Variants in PTPRD observed in about 807,000 individuals in gnomAD.
PTPRD encodes protein tyrosine phosphatase receptor type D, also known as receptor-type tyrosine-protein phosphatase delta.
PTPRD carries 34 observed loss-of-function variants against 214.5 expected under a neutral mutation model. That is an observed-to-expected ratio of 0.16 (90% CI 0.12 to 0.21). The LOEUF is 0.21. Ranked by LOEUF, PTPRD falls within the 10% of genes least tolerant of loss-of-function variation. The pLI, the probability that PTPRD is intolerant of heterozygous loss-of-function variation, is 1.00. For missense variants in PTPRD, 2,545 were observed against 2,398.7 expected, an observed-to-expected ratio of 1.06 and a Z score of -1.27; for synonymous variants, 1,128 against 845.7, an observed-to-expected ratio of 1.33 and a Z score of -5.79.
At chr9:10,343,436 A>T (rs1195596138) in intron 2 of PTPRD, among the ~76,000 whole-genome samples, 1 of 152,130 alleles carries the variant, frequency 6.6e-6, no homozygotes, top group African/African-American at 2.4e-5. Context: ...TGCAATATAC[A>T]TATATGTGCA....
chr9:10,191,605 C>A (rs2099363826), intron 3 of PTPRD, among the ~76,000 whole-genome samples: 1 of 152,074 alleles, frequency 6.6e-6, no homozygotes, highest in South Asian at 2.1e-4. Context: ...TTTTAGATAT[C>A]CCTATACTTT....
intron 10 of PTPRD, among the ~76,000 whole-genome samples, chr9:9,156,222 A>G (rs1363056806): frequency 6.6e-6 from 1 of 152,176 alleles, no homozygotes; most frequent in Non-Finnish European, 1.5e-5. Flanking sequence ...GTAAACTACC[A>G]TGAATATATT....
At chr9:9,507,212 A>G (rs2096590151) in intron 8 of PTPRD, among the ~76,000 whole-genome samples, 1 of 151,174 alleles carries the variant, frequency 6.6e-6, no homozygotes, top group South Asian at 2.1e-4. Context: ...TATAATGTCA[A>G]TTTTGTCTGA....
intron 3 of PTPRD, among the ~76,000 whole-genome samples, chr9:10,220,527 A>G (rs1481758165): frequency 6.6e-6 from 1 of 151,980 alleles, no homozygotes; most frequent in Non-Finnish European, 1.5e-5. Flanking sequence ...TTTGCATCAA[A>G]TGATTAATAA....
chr9:8,996,446 A>C (rs985773573), intron 11 of PTPRD, among the ~76,000 whole-genome samples: 1 of 152,098 alleles, frequency 6.6e-6, no homozygotes, highest in African/African-American at 2.4e-5. Context: ...CAAACAGAGC[A>C]GTTGTTGCCT....
At chr9:9,235,106 A>G (rs1053426132) in intron 9 of PTPRD, among the ~76,000 whole-genome samples, 12 of 152,278 alleles carry the variant, frequency 7.9e-5, no homozygotes, top group South Asian at 2.1e-4. Context: ...GAAACTTATA[A>G]TCATGGCAGA....
intron 37 of PTPRD, among the ~76,000 whole-genome samples, chr9:8,387,402 G>A (rs999782059): frequency 6.6e-6 from 1 of 152,170 alleles, no homozygotes; most frequent in African/African-American, 2.4e-5. Context: ...AAAAGGGGCA[G>A]AATTTCATTT....
At chr9:9,275,081 TAA>T (rs1491359322) in intron 9 of PTPRD, among the ~76,000 whole-genome samples, 1 of 69,956 alleles carries the variant, frequency 1.4e-5, no homozygotes, top group African/African-American at 5.3e-5. Context: ...TATATATATA[TAA>T]TATATATGTT....
Position 9,427,574 on chromosome 9 carries a change from A to C in PTPRD, c.-236-30092T>G, listed in dbSNP as rs542061184. On this transcript the variant is annotated intron_variant, in intron 8 of 45. Transcript: ENST00000381196. ...GAAACACAGAAAATGCCACAAAGATACTCTTCAAGAAGAGCAACTCCAAGA... is the reference window on the plus strand; with the variant it reads ...GAAACACAGAAAATGCCACAAAGATCCTCTTCAAGAAGAGCAACTCCAAGA... 3.9e-5 allele frequency among the ~76,000 whole-genome samples: 6 copies of C among 152,192 alleles called. No homozygotes were observed. In the South Asian group the frequency reaches 1.2e-3, roughly 32 times the overall value.
intron 2 of PTPRD, among the ~76,000 whole-genome samples, chr9:10,486,516 C>G (rs1299430606): frequency 2.6e-5 from 4 of 152,056 alleles, no homozygotes; most frequent in African/African-American, 7.2e-5. Context: ...TTTCTGAGGT[C>G]TCTGTTCTGC....
At chr9:8,916,605 C>G (rs953886208) in intron 11 of PTPRD, among the ~76,000 whole-genome samples, 1 of 152,092 alleles carries the variant, frequency 6.6e-6, no homozygotes, top group African/African-American at 2.4e-5. Context: ...ATAAAATTCT[C>G]AGTGATATAG....
intron 35 of PTPRD, among the ~76,000 whole-genome samples, chr9:8,423,335 A>G (rs1242346559): frequency 6.6e-6 from 1 of 152,164 alleles, no homozygotes; most frequent in Non-Finnish European, 1.5e-5. Flanking sequence ...TCTTAAGCTA[A>G]TGGAAATAAA....
At position 8,681,187 on chromosome 9, in the gene PTPRD, C is replaced by T. The variant is rs12351990; in HGVS notation, c.65-44343G>A. ...GCTTCCCTGATCAATCATCCATAGA[C>T]GCAGACACTCAGTGTAGATGAACTC... On this transcript the variant is annotated intron_variant, in intron 12 of 45. Coordinates refer to ENST00000381196, the MANE Select transcript of PTPRD (RefSeq NM_002839.4). Among the ~76,000 whole-genome samples the T allele has an allele frequency of 5.8e-3, 878 of 152,242 alleles. 12 individuals are homozygous for T. Among genetic ancestry groups the T allele is most frequent in the African/African-American group, 0.02 (839 of 41,532 alleles).
intron 11 of PTPRD, among the ~76,000 whole-genome samples, chr9:9,000,886 G>C (rs1400602297): frequency 6.6e-6 from 1 of 151,952 alleles, no homozygotes; most frequent in Non-Finnish European, 1.5e-5. Flanking sequence ...ATTTTGGCCA[G>C]AGTATACTCA....
At chr9:10,011,255 T>G (rs1464253640) in intron 4 of PTPRD, among the ~76,000 whole-genome samples, 1 of 151,942 alleles carries the variant, frequency 6.6e-6, no homozygotes, top group Non-Finnish European at 1.5e-5. Context: ...ACTGAAGATC[T>G]GATCATTAGA....
chr9:9,475,417 T>C (rs10977800), intron 8 of PTPRD, among the ~76,000 whole-genome samples: 101,687 of 152,058 alleles, frequency 0.67, 34,443 homozygotes, highest in South Asian at 0.73. Context: ...GAGTAAAACA[T>C]TGCATTAGCT....
chr9:9,284,823 A>G lies in PTPRD; in HGVS notation c.-202-101460T>C, dbSNP rs147253606. Among the ~76,000 whole-genome samples, 753 of 151,744 alleles carry G rather than the reference A, an allele frequency of 5.0e-3. 4 individuals carry two copies. The highest frequency in any genetic ancestry group is 0.017 in the African/African-American group (719 of 41,476). On this transcript the variant is annotated intron_variant, in intron 9 of 45. Coordinates refer to ENST00000381196, the MANE Select transcript of PTPRD (RefSeq NM_002839.4). ...CTTAACCTTTCCCAGCTTTTATTTC[A>G]TTTTCTACCAAATGTGGACAATAAT...
At chr9:9,897,035 C>T (rs1297957574) in intron 5 of PTPRD, among the ~76,000 whole-genome samples, 2 of 151,874 alleles carry the variant, frequency 1.3e-5, no homozygotes, top group African/African-American at 4.8e-5. Flanking sequence ...CAATGTTTCC[C>T]TTTGGGATTT....
At chr9:9,519,084 T>C (rs1590510100) in intron 8 of PTPRD, among the ~76,000 whole-genome samples, 1 of 152,014 alleles carries the variant, frequency 6.6e-6, no homozygotes, top group Non-Finnish European at 1.5e-5. Flanking sequence ...GTTTGCAAAT[T>C]AAAATACTTC....
Sources: allele counts gnomAD v4.1 joint callset (sites outside exome capture counted in the v4.1 genomes callset), GRCh38; gene constraint gnomAD v4.1.1; transcripts MANE v1.5; gene names NCBI Gene and HGNC (gene_info 2026-07-23, HGNC 2026-07-21).